ZNF407: variants seen among roughly 807,000 people sequenced by gnomAD.
ZNF407 encodes zinc finger protein 407.
ZNF407 carries 17 observed loss-of-function variants against 131.2 expected under a neutral mutation model. The ratio of observed to expected loss-of-function variants is 0.13; its 90% CI spans 0.09 to 0.19. The LOEUF is 0.19. ZNF407 is among the 10% of genes least tolerant of loss of function. The probability of loss-of-function intolerance (pLI) is 1.00; values close to 1 mark genes in which losing one functional copy is unlikely to be tolerated. For missense variants in ZNF407, 2,681 were observed against 2,830.6 expected (o/e 0.95, Z 1.20); for synonymous variants, 1,156 against 1,062.0 (o/e 1.09, Z -1.72).
intron 4 of ZNF407, among the ~76,000 whole-genome samples, chr18:74,829,977 G>A (rs1970460557): frequency 6.6e-6 from 1 of 152,104 alleles, no homozygotes; most frequent in African/African-American, 2.4e-5. Flanking sequence ...TAGGTTCTAT[G>A]AGTTTATAAG....
At position 74,633,470 on chromosome 18, in the gene ZNF407, G is replaced by A. The variant is rs371806813; in HGVS notation, c.2451G>A (p.Ala817=). 3.0e-5 allele frequency: 49 copies of A among 1,613,840 alleles called. No homozygotes were observed. The African/African-American group carries it at 3.2e-4, about 11-fold the overall frequency. The change falls in exon 2 of 9, where the codon GCG becomes GCA. Residue 817 remains alanine (A), a synonymous_variant. Transcript: ENST00000299687. ...CCTATCTTGAGAAGGGCATGCTGGC[G>A]TCTGAGGAACTGTCACAGTCTGGTG... is the stretch of plus-strand genomic sequence containing the variant. ...EHSYLEKGML[A]SEELSQSGGS... is the part of the protein sequence containing the mutation.
In ZNF407 at chr18:74,880,116, C is replaced by T. The variant is rs568942509; in HGVS notation, c.5045-920C>T. 2.2e-4 allele frequency among the ~76,000 whole-genome samples: 33 copies of T among 152,250 alleles called. 1 individual carries two copies. The highest frequency in any genetic ancestry group is 7.9e-4 in the African/African-American group (33 of 41,546). On this transcript the variant is annotated intron_variant, in intron 5 of 8. Transcript: ENST00000299687. ...AACATTTTATAATTTCACTGAATCT[C>T]TCGAAGGTTAGCATTTTTCTTCTAT... is the stretch of plus-strand genomic sequence containing the variant.
At chr18:74,888,995 G>A (rs1971348562) in intron 6 of ZNF407, among the ~76,000 whole-genome samples, 2 of 152,096 alleles carry the variant, frequency 1.3e-5, no homozygotes, top group Non-Finnish European at 2.9e-5. Flanking sequence ...GGTCCTATGA[G>A]GTTATAACAC....
chr18:74,800,516 C>T (rs1211032158), intron 4 of ZNF407, among the ~76,000 whole-genome samples: 4 of 152,102 alleles, frequency 2.6e-5, no homozygotes, highest in Non-Finnish European at 4.4e-5. Flanking sequence ...CGGAAATGAA[C>T]GTTTAACCTC....
intron 8 of ZNF407, among the ~76,000 whole-genome samples, chr18:74,942,833 C>T (rs1972114931): frequency 6.6e-6 from 1 of 152,138 alleles, no homozygotes; most frequent in Admixed American, 6.5e-5. Flanking sequence ...TATGAGAATC[C>T]ACTTCTTTTC....
intron 3 of ZNF407, among the ~76,000 whole-genome samples, chr18:74,763,411 G>T: frequency 6.6e-6 from 1 of 150,894 alleles, no homozygotes; most frequent in African/African-American, 2.4e-5. Context: ...TCTTTAGAAG[G>T]GGAGAATTAA....
At chr18:74,740,943 G>A (rs1968534808) in intron 3 of ZNF407, among the ~76,000 whole-genome samples, 2 of 152,098 alleles carry the variant, frequency 1.3e-5, no homozygotes, top group Non-Finnish European at 2.9e-5. Context: ...AAATCAGCTC[G>A]GTACCAGTTT....
chr18:75,019,580 A>C (rs1480457796), intron 8 of ZNF407, among the ~76,000 whole-genome samples: 2 of 152,178 alleles, frequency 1.3e-5, no homozygotes, highest in Non-Finnish European at 2.9e-5. Context: ...TCAGGGTGCG[A>C]ATCATCCCTT....
intron 8 of ZNF407, among the ~76,000 whole-genome samples, chr18:75,024,302 G>C (rs375944798): frequency 2.0e-5 from 3 of 152,144 alleles, no homozygotes; most frequent in East Asian, 3.9e-4. Flanking sequence ...CGCAGATACT[G>C]TTCCTTTATC....
Position 74,764,390 on chromosome 18 carries a change from A to G in ZNF407, c.4803-17038A>G, listed in dbSNP as rs528382597. On this transcript the variant is annotated intron_variant, in intron 3 of 8. Transcript: ENST00000299687. ...CTCATCTAATGAATTTTTTTATCTC[A>G]TGTGTTTTATTTCTAGACATGTGGT... Among the ~76,000 whole-genome samples the G allele has an allele frequency of 9.8e-4, 148 of 151,582 alleles. 1 individual carries two copies. The highest frequency in any genetic ancestry group is 1.4e-3 in the Non-Finnish European group (93 of 67,912).
chr18:74,901,389 C>T (rs1971522900), intron 7 of ZNF407, among the ~76,000 whole-genome samples: 1 of 152,188 alleles, frequency 6.6e-6, no homozygotes, highest in South Asian at 2.1e-4. Flanking sequence ...TACATATTCT[C>T]TCAAACTTTT....
chr18:74,912,601 A>T (rs1971689441), intron 7 of ZNF407, among the ~76,000 whole-genome samples: 1 of 152,216 alleles, frequency 6.6e-6, no homozygotes, highest in African/African-American at 2.4e-5. Flanking sequence ...TCCACATTTA[A>T]CTTACTGTAG....
chr18:74,676,625 G>A (rs533435), intron 3 of ZNF407, among the ~76,000 whole-genome samples: 70,207 of 151,452 alleles, frequency 0.46, 16,921 homozygotes, highest in East Asian at 0.63. Context: ...TAGTAGAGAC[G>A]GGGTTTCACC....
Position 74,717,479 on chromosome 18 carries a change from A to G in ZNF407, c.4803-63949A>G, listed in dbSNP as rs188847917. Among the ~76,000 whole-genome samples the G allele has an allele frequency of 2.0e-5, 3 of 152,362 alleles. No individual in the cohort carries two copies. The East Asian group carries it at 5.8e-4, about 29-fold the overall frequency. ...CATGATAACTGTTGCTGCCTTCAGT[A>G]ATAAAACTGAATTATGTATACAGAT... is the stretch of plus-strand genomic sequence containing the variant. On this transcript the variant is annotated intron_variant, in intron 3 of 8. Coordinates refer to ENST00000299687, the MANE Select transcript of ZNF407 (RefSeq NM_017757.3).
intron 4 of ZNF407, among the ~76,000 whole-genome samples, chr18:74,852,499 T>G (rs568083262): frequency 1.6e-4 from 25 of 152,136 alleles, no homozygotes; most frequent in African/African-American, 5.8e-4. Context: ...TTTTTATTAT[T>G]AAATATAGTA....
intron 3 of ZNF407, among the ~76,000 whole-genome samples, chr18:74,696,605 T>G (rs1967362208): frequency 6.6e-6 from 1 of 152,174 alleles, no homozygotes; most frequent in African/African-American, 2.4e-5. Flanking sequence ...AACAAATATA[T>G]CATAGGGTTA....
intron 4 of ZNF407, among the ~76,000 whole-genome samples, chr18:74,844,031 A>T (rs532558323): frequency 6.6e-6 from 1 of 152,186 alleles, no homozygotes; most frequent in Non-Finnish European, 1.5e-5. Flanking sequence ...GGAAAAATTG[A>T]TGTAAAACAA....
intron 1 of ZNF407, among the ~76,000 whole-genome samples, chr18:74,623,335 C>T (rs1039120663): frequency 1.5e-5 from 1 of 66,880 alleles, no homozygotes; most frequent in African/African-American, 4.2e-5. Flanking sequence ...TGTGAAACTG[C>T]ATGTGTGAGT....
At chr18:74,866,665 C>G (rs540543415) in intron 4 of ZNF407, among the ~76,000 whole-genome samples, 14 of 151,278 alleles carry the variant, frequency 9.3e-5, no homozygotes, top group African/African-American at 3.2e-4. Context: ...TTACCAGAAT[C>G]AATTTTGTGA....
Sources: gnomAD v4.1 joint callset for allele counts (sites outside exome capture counted in the v4.1 genomes callset) on GRCh38, gnomAD v4.1.1 for gene constraint, MANE v1.5 for transcripts, NCBI Gene and HGNC (gene_info 2026-07-23, HGNC 2026-07-21) for gene names.